The following SNTG2 variants were observed in gnomAD, a reference collection of about 807,000 sequenced individuals.
SNTG2 encodes gamma-2-syntrophin.
In SNTG2, 74 loss-of-function variants were observed where a neutral mutation model predicts 70.9. The ratio of observed to expected loss-of-function variants is 1.04; its 90% CI spans 0.86 to 1.27. The LOEUF is 1.27. SNTG2 is among the 50% of genes most tolerant of loss of function. The probability of loss-of-function intolerance (pLI) is 0.00; values close to 1 mark genes in which losing one functional copy is unlikely to be tolerated. For synonymous variants in SNTG2, 278 were observed against 273.8 expected (o/e 1.02, Z -0.15); for missense variants, 717 against 690.7 (o/e 1.04, Z -0.43).
intron 14 of SNTG2, among the ~76,000 whole-genome samples, chr2:1,304,237 T>C (rs1334181093): frequency 6.6e-6 from 1 of 152,204 alleles, no homozygotes; most frequent in Non-Finnish European, 1.5e-5. Context: ...GCACGCCTGC[T>C]GTTATTTCTC....
At chr2:1,314,055 T>G (rs1270403400) in intron 15 of SNTG2, among the ~76,000 whole-genome samples, 1 of 152,192 alleles carries the variant, frequency 6.6e-6, no homozygotes, top group Non-Finnish European at 1.5e-5. Flanking sequence ...CATAGATATT[T>G]TTGCACTTTT....
chr2:1,230,399 C>T (rs142508168), intron 9 of SNTG2, among the ~76,000 whole-genome samples: 1 of 152,306 alleles, frequency 6.6e-6, no homozygotes, highest in East Asian at 1.9e-4. Flanking sequence ...AAGGCCGATG[C>T]TGAAGCCGAG....
intron 2 of SNTG2, among the ~76,000 whole-genome samples, chr2:1,086,483 TC>T (rs1347345142): frequency 6.6e-6 from 1 of 152,154 alleles, no homozygotes; most frequent in African/African-American, 2.4e-5. Flanking sequence ...ACATCTGCCC[TC>T]ATGGGGGTTT....
intron 1 of SNTG2, among the ~76,000 whole-genome samples, chr2:993,018 T>C (rs1271285037): frequency 1.3e-5 from 2 of 152,022 alleles, no homozygotes; most frequent in Non-Finnish European, 1.5e-5. Flanking sequence ...AAGATTTGCC[T>C]TCTGTGGACA....
At position 1,197,818 on chromosome 2, in the gene SNTG2, C is replaced by A. The variant is rs1673021649; in HGVS notation, c.592-11285C>A. 2.0e-5 allele frequency among the ~76,000 whole-genome samples: 3 copies of A among 152,086 alleles called. No individual in the cohort carries two copies. The South Asian group carries it at 6.2e-4, about 32-fold the overall frequency. On this transcript the variant is annotated intron_variant, in intron 8 of 16. Transcript: ENST00000308624. ...CAAAGTGCTGGATTACAGGCATGAG[C>A]CAACATGCCTGACCCAGAGCACCCA...
chr2:1,269,372 T>C (rs1324601872), intron 14 of SNTG2, among the ~76,000 whole-genome samples: 1 of 152,038 alleles, frequency 6.6e-6, no homozygotes, highest in Non-Finnish European at 1.5e-5. Context: ...TAATAAAATA[T>C]TAGCCAGGCA....
chr2:1,179,757 A>C (rs1185580054), intron 8 of SNTG2, among the ~76,000 whole-genome samples: 1 of 150,100 alleles, frequency 6.7e-6, no homozygotes, highest in Non-Finnish European at 1.5e-5. Context: ...CTGCATCGCC[A>C]AGTCAGTCCT....
At chr2:1,322,517 A>C (rs1681577806) in intron 16 of SNTG2, among the ~76,000 whole-genome samples, 1 of 152,304 alleles carries the variant, frequency 6.6e-6, no homozygotes, top group Non-Finnish European at 1.5e-5. Flanking sequence ...TGGCCCCAGG[A>C]GAAATAATAA....
chr2:1,191,093 A>C (rs1315349351), intron 8 of SNTG2, among the ~76,000 whole-genome samples: 1 of 152,214 alleles, frequency 6.6e-6, no homozygotes, highest in African/African-American at 2.4e-5. Flanking sequence ...AACAAGAAAG[A>C]AAATGAGGGC....
intron 8 of SNTG2, among the ~76,000 whole-genome samples, chr2:1,175,035 A>T (rs1671376924): frequency 6.6e-6 from 1 of 152,132 alleles, no homozygotes; most frequent in Admixed American, 6.5e-5. Flanking sequence ...TTGTTCAAGA[A>T]ATCTTTCTTA....
intron 1 of SNTG2, among the ~76,000 whole-genome samples, chr2:971,887 T>A (rs1182333124): frequency 6.6e-6 from 1 of 152,156 alleles, no homozygotes. Flanking sequence ...CAAATAATTT[T>A]TTATTTCTGC....
chr2:1,167,618 G>A (rs35669426), intron 7 of SNTG2, among the ~76,000 whole-genome samples: 1 of 105,212 alleles, frequency 9.5e-6, no homozygotes. Flanking sequence ...CAGAACTGAA[G>A]CCTACAAGCC....
At chr2:953,171 C>G (rs1023082488) in intron 1 of SNTG2, among the ~76,000 whole-genome samples, 1 of 152,100 alleles carries the variant, frequency 6.6e-6, no homozygotes, top group Non-Finnish European at 1.5e-5. Flanking sequence ...AGTGCCTGTT[C>G]CCGATGTTTT....
At chr2:1,263,917 CT>C (rs1329071789) in intron 13 of SNTG2, among the ~76,000 whole-genome samples, 1 of 152,178 alleles carries the variant, frequency 6.6e-6, no homozygotes, top group Non-Finnish European at 1.5e-5. Context: ...ACCTGGTGTT[CT>C]TCTATTATAA....
At position 1,076,413 on chromosome 2, in the gene SNTG2, C is replaced by T. The variant is rs145580403; in HGVS notation, c.73-7105C>T. On this transcript the variant is annotated intron_variant, in intron 1 of 16. Coordinates refer to ENST00000308624, the MANE Select transcript of SNTG2 (RefSeq NM_018968.4). ...CATTCACTGATTCTCTCAATGCCAG[C>T]GATTCAGGGAAGGAAATATACTGAC... Among the ~76,000 whole-genome samples the T allele has an allele frequency of 9.2e-5, 14 of 152,210 alleles. No homozygotes were observed. In the East Asian group the frequency reaches 2.7e-3, roughly 29 times the overall value.
At chr2:1,021,439 A>C (rs1005072430) in intron 1 of SNTG2, among the ~76,000 whole-genome samples, 3 of 152,180 alleles carry the variant, frequency 2.0e-5, no homozygotes, top group Admixed American at 6.5e-5. Context: ...TGCTTTTTAA[A>C]ATCCATCATT....
At chr2:1,016,857 C>T (rs1659910839) in intron 1 of SNTG2, among the ~76,000 whole-genome samples, 1 of 152,030 alleles carries the variant, frequency 6.6e-6, no homozygotes, top group Admixed American at 6.6e-5. Context: ...ACATGAATGC[C>T]CTCAGTGCAC....
At chr2:1,085,452 A>G (rs990856318) in intron 2 of SNTG2, among the ~76,000 whole-genome samples, 9 of 152,238 alleles carry the variant, frequency 5.9e-5, no homozygotes, top group Admixed American at 5.9e-4. Context: ...TAGGTGAATT[A>G]TTGACTCCAA....
intron 14 of SNTG2, among the ~76,000 whole-genome samples, chr2:1,300,792 G>A (rs751791211): frequency 2.6e-5 from 4 of 152,088 alleles, no homozygotes; most frequent in Non-Finnish European, 4.4e-5. Flanking sequence ...GAACTTGAGT[G>A]TGCTATTTAA....
Sources: gnomAD v4.1 joint callset for allele counts (sites outside exome capture counted in the v4.1 genomes callset) on GRCh38, gnomAD v4.1.1 for gene constraint, MANE v1.5 for transcripts, NCBI Gene and HGNC (gene_info 2026-07-23, HGNC 2026-07-21) for gene names.